The following MED13L variants were observed in gnomAD, a reference collection of about 807,000 sequenced individuals.
MED13L encodes mediator complex subunit 13L.
A neutral mutation model predicts 220.9 loss-of-function variants in MED13L; 7 were observed. The ratio of observed to expected loss-of-function variants is 0.03; its 90% CI spans 0.02 to 0.06. The LOEUF is 0.06. Among genes scored for constraint, MED13L ranks in the 10% least tolerant of loss-of-function variants. The probability of loss-of-function intolerance (pLI) is 1.00; values close to 1 mark genes in which losing one functional copy is unlikely to be tolerated. For missense variants in MED13L, 1,965 were observed against 2,760.5 expected (o/e 0.71, Z 6.46); for synonymous variants, 1,011 against 1,015.2 (o/e 1.00, Z 0.08).
intron 2 of MED13L, among the ~76,000 whole-genome samples, chr12:116,192,489 C>T (rs1256504880): frequency 1.3e-5 from 2 of 152,188 alleles, no homozygotes; most frequent in Admixed American, 6.5e-5. Flanking sequence ...TCTCAGTTAA[C>T]AATATATACT....
chr12:116,045,650 T>C (rs1881789700), intron 4 of MED13L, among the ~76,000 whole-genome samples: 1 of 152,196 alleles, frequency 6.6e-6, no homozygotes, highest in African/African-American at 2.4e-5. Flanking sequence ...ATATTTAACA[T>C]AATTTGACCA....
intron 20 of MED13L, among the ~76,000 whole-genome samples, chr12:115,983,876 T>C (rs1877507989): frequency 6.6e-6 from 1 of 152,196 alleles, no homozygotes; most frequent in South Asian, 2.1e-4. Context: ...CTCCTAGGTT[T>C]ACAAGCTTCT....
chr12:116,124,609 T>C (rs181479676), intron 2 of MED13L, among the ~76,000 whole-genome samples: 1 of 152,312 alleles, frequency 6.6e-6, no homozygotes, highest in East Asian at 1.9e-4. Flanking sequence ...TACCACAGTT[T>C]ATAAAATGTA....
intron 2 of MED13L, among the ~76,000 whole-genome samples, chr12:116,177,836 C>A (rs1484375309): frequency 6.6e-6 from 1 of 152,078 alleles, no homozygotes; most frequent in African/African-American, 2.4e-5. Context: ...ATATCAATTC[C>A]TTCTTTGGAA....
rs1879193193 is a variant in MED13L, at chr12:116,008,497, G to A, written c.1916C>T (p.Pro639Leu). The A allele has an allele frequency of 6.2e-7, 1 of 1,613,624 alleles. No homozygotes were observed. The highest frequency in any genetic ancestry group is 1.3e-5 in the African/African-American group (1 of 74,914). Residue 639 changes from proline to leucine, a missense_variant, in exon 10 of 31, where the codon CCA becomes CTA. Transcript: ENST00000281928. ...CCTGAACTCAGCATCATCACTGGGTGGGAGACGATAACTATGCCACCACTT... is the reference window on the plus strand; with the variant it reads ...CCTGAACTCAGCATCATCACTGGGTAGGAGACGATAACTATGCCACCACTT... Reference protein sequence around the residue: ...SEKWWHSYRLPPSDDAEFRPP... With the variant: ...SEKWWHSYRLLPSDDAEFRPP...
At chr12:116,259,355 G>A (rs913535359) in intron 1 of MED13L, among the ~76,000 whole-genome samples, 10 of 152,062 alleles carry the variant, frequency 6.6e-5, no homozygotes, top group African/African-American at 1.9e-4. Context: ...TGCGATATAC[G>A]AGAACTACAA....
intron 2 of MED13L, among the ~76,000 whole-genome samples, chr12:116,114,937 G>T (rs761096676): frequency 1.3e-5 from 2 of 151,992 alleles, no homozygotes; most frequent in Non-Finnish European, 2.9e-5. Flanking sequence ...AAATAAAAAA[G>T]ATAAATAAAT....
intron 1 of MED13L, among the ~76,000 whole-genome samples, chr12:116,244,562 TCCCC>T (rs1420013316): frequency 6.6e-6 from 1 of 152,038 alleles, no homozygotes; most frequent in Non-Finnish European, 1.5e-5. Flanking sequence ...TGACACAGAA[TCCCC>T]TCAGCCTCAG....
Position 116,007,462 on chromosome 12 carries a change from G to A in MED13L, c.2187C>T (p.Ala729=). 6.2e-7 allele frequency: 1 copy of A among 1,613,698 alleles called. No individual in the cohort carries two copies. The highest frequency in any genetic ancestry group is 8.5e-7 in the Non-Finnish European group (1 of 1,179,862). ...CCGTCCCTTGTTTGCATTTCTTGTT[G>A]GCTGTAAAGATGTATTTTATGTCAC... is the stretch of plus-strand genomic sequence containing the variant. ...EDGDIKYIFT[A]NKKCKQGTEK... Residue 729 remains alanine, a synonymous_variant, in exon 11 of 31, where the codon GCC becomes GCT. Transcript: ENST00000281928.
At chr12:116,122,510 G>A (rs550558308) in intron 2 of MED13L, among the ~76,000 whole-genome samples, 1 of 152,240 alleles carries the variant, frequency 6.6e-6, no homozygotes, top group South Asian at 2.1e-4. Flanking sequence ...AAAATATTCA[G>A]TATCACTTAA....
At chr12:116,145,934 C>T (rs1040261570) in intron 2 of MED13L, among the ~76,000 whole-genome samples, 1 of 151,872 alleles carries the variant, frequency 6.6e-6, no homozygotes, top group Non-Finnish European at 1.5e-5. Context: ...ATAAATAAAC[C>T]AAATAAACCA....
chr12:116,095,118 C>T (rs1353959669), intron 4 of MED13L, among the ~76,000 whole-genome samples: 3 of 152,092 alleles, frequency 2.0e-5, no homozygotes, highest in African/African-American at 4.8e-5. Context: ...GCCGAGATCA[C>T]GCCACTGGCA....
At position 116,224,821 on chromosome 12, in the gene MED13L, G is replaced by A. The variant is rs554525877; in HGVS notation, c.310+12647C>T. ...GCCTCCCAAGTAGCTGGGACTGCAG[G>A]CACACGCCACTATGCCCAGCTAATT... On this transcript the variant is annotated intron_variant, in intron 2 of 30. Coordinates refer to ENST00000281928, the MANE Select transcript of MED13L (RefSeq NM_015335.5). 2.6e-5 allele frequency among the ~76,000 whole-genome samples: 4 copies of A among 152,232 alleles called. No individual in the cohort carries two copies. In the South Asian group the frequency reaches 8.3e-4, roughly 32 times the overall value.
intron 1 of MED13L, among the ~76,000 whole-genome samples, chr12:116,261,428 C>A (rs901471651): frequency 7.1e-6 from 1 of 141,412 alleles, no homozygotes; most frequent in African/African-American, 2.6e-5. Context: ...ACCTCAGAGG[C>A]GGAGGGTGCA....
chr12:116,200,079 CAAAAA>C (rs36110388), intron 2 of MED13L, among the ~76,000 whole-genome samples: 1 of 116,878 alleles, frequency 8.6e-6, no homozygotes, highest in African/African-American at 3.2e-5. Flanking sequence ...GGATGCTTTT[CAAAAA>C]AAAAAAAAAA....
chr12:116,259,384 A>G (rs996741221), intron 1 of MED13L, among the ~76,000 whole-genome samples: 2 of 152,238 alleles, frequency 1.3e-5, no homozygotes, highest in African/African-American at 2.4e-5. Context: ...TTGTGGGAAC[A>G]TAACATTAAA....
chr12:116,180,319 C>T (rs1239640178), intron 2 of MED13L, among the ~76,000 whole-genome samples: 1 of 152,154 alleles, frequency 6.6e-6, no homozygotes, highest in African/African-American at 2.4e-5. Context: ...CAACATGATA[C>T]CACAAGCGAA....
chr12:116,034,266 T>C (rs981899863), intron 4 of MED13L, among the ~76,000 whole-genome samples: 2 of 152,142 alleles, frequency 1.3e-5, no homozygotes, highest in African/African-American at 2.4e-5. Context: ...GTACTTAGTA[T>C]GGTGCTTGCC....
At chr12:116,133,576 C>T (rs886714746) in intron 2 of MED13L, among the ~76,000 whole-genome samples, 1 of 152,036 alleles carries the variant, frequency 6.6e-6, no homozygotes, top group African/African-American at 2.4e-5. Flanking sequence ...ATCTGACAAA[C>T]AATATTTTCC....
Sources: gnomAD v4.1 joint callset for allele counts (sites outside exome capture counted in the v4.1 genomes callset) on GRCh38, gnomAD v4.1.1 for gene constraint, MANE v1.5 for transcripts, NCBI Gene and HGNC (gene_info 2026-07-23, HGNC 2026-07-21) for gene names.